GPC5: variants seen among roughly 807,000 people sequenced by gnomAD.
The protein encoded by GPC5 is glypican 5.
GPC5 carries 47 observed loss-of-function variants against 53.9 expected under a neutral mutation model. That is an observed-to-expected ratio of 0.87 (90% confidence interval 0.69 to 1.11). The LOEUF is 1.11. Among genes scored for constraint, GPC5 ranks in the 50% most tolerant of loss-of-function variants. The probability of loss-of-function intolerance (pLI) is 0.00; values close to 1 mark genes in which losing one functional copy is unlikely to be tolerated. For missense variants in GPC5, 748 were observed against 713.1 expected (o/e 1.05, Z -0.56); for synonymous variants, 286 against 263.3 (o/e 1.09, Z -0.84).
intron 7 of GPC5, among the ~76,000 whole-genome samples, chr13:92,424,893 G>A (rs1203821031): frequency 6.6e-6 from 1 of 151,924 alleles, no homozygotes; most frequent in African/African-American, 2.4e-5. Context: ...GAACTAGGTG[G>A]TGGGGATTCA....
intron 6 of GPC5, among the ~76,000 whole-genome samples, chr13:91,951,886 A>G (rs1255944766): frequency 6.6e-6 from 1 of 152,174 alleles, no homozygotes; most frequent in Non-Finnish European, 1.5e-5. Flanking sequence ...TCTATACAAC[A>G]TATTTACTAC....
intron 1 of GPC5, among the ~76,000 whole-genome samples, chr13:91,440,789 G>A (rs928226150): frequency 9.2e-5 from 14 of 152,144 alleles, no homozygotes; most frequent in Non-Finnish European, 1.6e-4. Flanking sequence ...CGTCTCTTGG[G>A]CAACAACTAT....
At chr13:92,562,726 T>C (rs548669184) in intron 7 of GPC5, among the ~76,000 whole-genome samples, 5 of 152,148 alleles carry the variant, frequency 3.3e-5, no homozygotes, top group African/African-American at 7.2e-5. Flanking sequence ...ATAACTATTC[T>C]GAGGTTTTAT....
rs568816965 is a variant in GPC5 at position 92,189,789 on chromosome 13, A to T, written c.1561+44800A>T. On this transcript the variant is annotated intron_variant, in intron 7 of 7. Transcript: ENST00000377067. ...AGAAATTCCAGGAAAGATTAAAGAA[A>T]GTGCTGTCAAATAAATGAATAATGC... 1.1e-4 allele frequency among the ~76,000 whole-genome samples: 16 copies of T among 152,326 alleles called. No homozygotes were observed. The East Asian group carries it at 3.1e-3, about 29-fold the overall frequency.
chr13:92,703,417 G>A (rs1887828590), intron 7 of GPC5, among the ~76,000 whole-genome samples: 2 of 151,344 alleles, frequency 1.3e-5, no homozygotes, highest in African/African-American at 4.8e-5. Context: ...TTAGAAATAG[G>A]GAGATAAACA....
intron 7 of GPC5, among the ~76,000 whole-genome samples, chr13:92,242,246 A>C (rs2042618398): frequency 6.6e-6 from 1 of 151,844 alleles, no homozygotes; most frequent in African/African-American, 2.4e-5. Flanking sequence ...AAAAAAAAAA[A>C]AAAAAATTAT....
At chr13:91,608,023 A>G (rs16946286) in intron 2 of GPC5, among the ~76,000 whole-genome samples, 6,708 of 152,306 alleles carry the variant, frequency 0.044, 504 homozygotes, top group African/African-American at 0.15. Flanking sequence ...TAGAAATGCT[A>G]TATGGAACAT....
intron 6 of GPC5, among the ~76,000 whole-genome samples, chr13:91,985,513 C>T (rs1489833803): frequency 6.6e-6 from 1 of 151,256 alleles, no homozygotes; most frequent in Non-Finnish European, 1.5e-5. Context: ...TCTTTTATTT[C>T]TTATTTATCG....
chr13:92,724,875 TACACACACAC>T (rs58824655), intron 7 of GPC5, among the ~76,000 whole-genome samples: 31 of 137,746 alleles, frequency 2.3e-4, no homozygotes, highest in Non-Finnish European at 3.8e-4. Flanking sequence ...GTCCTACACA[TACACACACAC>T]ACACACACAC....
intron 7 of GPC5, among the ~76,000 whole-genome samples, chr13:92,394,594 G>GT (rs1227113891): frequency 6.6e-6 from 1 of 152,120 alleles, no homozygotes; most frequent in Non-Finnish European, 1.5e-5. Context: ...ATTAATTTCT[G>GT]TTTTTCATGA....
At chr13:91,538,581 AT>A (rs11374916) in intron 2 of GPC5, among the ~76,000 whole-genome samples, 7,990 of 129,100 alleles carry the variant, frequency 0.062, 211 homozygotes, top group African/African-American at 0.076. Flanking sequence ...ATTGCAAATA[AT>A]TTTTTTTTTT....
At chr13:91,913,396 C>CAA (rs112059435) in intron 6 of GPC5, among the ~76,000 whole-genome samples, 2,135 of 101,000 alleles carry the variant, frequency 0.021, 27 homozygotes, top group Middle Eastern at 0.058. Flanking sequence ...AAGACTCTGT[C>CAA]AAAAAAAAAA....
At chr13:91,802,774 C>T (rs1001930233) in intron 5 of GPC5, among the ~76,000 whole-genome samples, 1 of 152,090 alleles carries the variant, frequency 6.6e-6, no homozygotes, top group African/African-American at 2.4e-5. Flanking sequence ...AATAAAGTAC[C>T]TTGGACTCGC....
intron 7 of GPC5, among the ~76,000 whole-genome samples, chr13:92,698,988 T>C (rs1214638837): frequency 1.3e-5 from 2 of 152,166 alleles, no homozygotes; most frequent in Non-Finnish European, 2.9e-5. Context: ...TAGAATAGTT[T>C]CAGAAGAAAT....
At chr13:91,536,469 C>A (rs1886596890) in intron 2 of GPC5, among the ~76,000 whole-genome samples, 1 of 152,012 alleles carries the variant, frequency 6.6e-6, no homozygotes, top group African/African-American at 2.4e-5. Context: ...ATTATTGGAC[C>A]AATTTGGAAG....
intron 7 of GPC5, among the ~76,000 whole-genome samples, chr13:92,223,172 C>T (rs1294911574): frequency 1.3e-5 from 2 of 152,026 alleles, no homozygotes; most frequent in African/African-American, 2.4e-5. Flanking sequence ...ATAGCATAAA[C>T]GAGTTTACAC....
chr13:91,830,770 A>G (rs2038643191), intron 5 of GPC5, among the ~76,000 whole-genome samples: 1 of 125,752 alleles, frequency 8.0e-6, no homozygotes, highest in Non-Finnish European at 1.7e-5. Flanking sequence ...ATATCCTATT[A>G]TATATAAAAT....
intron 5 of GPC5, among the ~76,000 whole-genome samples, chr13:91,824,303 T>A (rs2038541856): frequency 6.6e-6 from 1 of 151,886 alleles, no homozygotes; most frequent in Non-Finnish European, 1.5e-5. Flanking sequence ...GCATGAAATT[T>A]TGAAGGAAGA....
chr13:92,094,542 A>G (rs2041406475), intron 6 of GPC5, among the ~76,000 whole-genome samples: 1 of 150,884 alleles, frequency 6.6e-6, no homozygotes, highest in South Asian at 2.1e-4. Flanking sequence ...AAAAAAAAAA[A>G]AAATAGTCTA....
Sources: gnomAD v4.1 joint callset for allele counts (sites outside exome capture counted in the v4.1 genomes callset) on GRCh38, gnomAD v4.1.1 for gene constraint, MANE v1.5 for transcripts, NCBI Gene and HGNC (gene_info 2026-07-23, HGNC 2026-07-21) for gene names.